The following BAG6 variants were observed in gnomAD, a reference collection of about 807,000 sequenced individuals.
BAG6 encodes large proline-rich protein BAG6.
BAG6 carries 22 observed loss-of-function variants against 121.0 expected under a neutral mutation model. The observed-to-expected ratio is 0.18, with a 90% CI of 0.13 to 0.26. The LOEUF (loss-of-function observed/expected upper bound fraction) is 0.26, where lower values mean the gene tolerates loss of function less well. Among genes scored for constraint, BAG6 ranks in the 10% least tolerant of loss-of-function variants. BAG6 has a pLI of 1.00. For missense variants in BAG6, 1,233 were observed against 1,537.7 expected (o/e 0.80, Z 3.31); for synonymous variants, 583 against 584.6 (o/e 1.00, Z 0.04).
In BAG6 at chr6:31,649,252, C is replaced by A. The variant is rs759063729; in HGVS notation, c.370G>T (p.Val124Phe). 1 of 1,612,966 alleles carries A rather than the reference C, an allele frequency of 6.2e-7. No individual in the cohort carries two copies. The highest frequency in any genetic ancestry group is 8.5e-7 in the Non-Finnish European group (1 of 1,180,038). ...PPGTRGPGASVHDRNANSYVM... is the reference protein window; with the variant it reads ...PPGTRGPGASFHDRNANSYVM... ...TAGCTGTTGGCATTCCGGTCATGAA[C>A]AGAGGCCCCAGGCCCCCGAGTACCA... Residue 124 changes from valine (V) to phenylalanine (F), a missense_variant, in exon 4 of 26, where the codon GTT becomes TTT. Coordinates refer to ENST00000676615, the MANE Select transcript of BAG6 (RefSeq NM_001387994.1).
At chr6:31,639,318 T>A in intron 25 of BAG6, 92 bp from the exon 26 acceptor site, 2 of 1,461,640 alleles carry the variant, frequency 1.4e-6, no homozygotes, top group Non-Finnish European at 1.9e-6. Flanking sequence ...AAGCTAACAT[T>A]TCCCCCCCCA....
In BAG6 at chr6:31,641,529, G is replaced by A. The variant is rs775229881; in HGVS notation, c.2559+10C>T. 2 of 1,614,038 alleles carry A rather than the reference G, an allele frequency of 1.2e-6. No homozygotes were observed. Among genetic ancestry groups the A allele is most frequent in the Non-Finnish European group, 1.7e-6 (2 of 1,179,970 alleles). ...CCAGGAGAGGAAAGGAATAGAGAAG[G>A]GTTACTCACAAAACTCTCCCGCACA... On this transcript the variant is annotated intron_variant, in intron 18 of 25. Transcript: ENST00000676615. This position sits in a 1 kb window ranked among gnomAD's most constrained non-coding sequence, Gnocchi z 5.7.
chr6:31,641,731 A>G lies in BAG6; in HGVS notation c.2505+45T>C, dbSNP rs1248437873. The G allele has an allele frequency of 3.7e-6, 6 of 1,612,070 alleles. No individual in the cohort carries two copies. Among genetic ancestry groups the G allele is most frequent in the Non-Finnish European group, 5.1e-6 (6 of 1,178,652 alleles). ...AGAAGCAGTCAGAAATAAGGAATAA[A>G]ATGTGCAAAAGAGGAGAGTTCTGGG... On this transcript the variant is annotated intron_variant, in intron 17 of 25. Transcript: ENST00000676615. This position sits in a 1 kb window ranked among gnomAD's most constrained non-coding sequence, Gnocchi z 5.7.
intron 16 of BAG6, 45 bp downstream of exon 16, chr6:31,642,067 T>C: frequency 6.3e-7 from 1 of 1,599,568 alleles, no homozygotes; most frequent in Non-Finnish European, 8.5e-7. Flanking sequence ...TACATTCCTC[T>C]GGCTGCCCCT....
Position 31,645,178 on chromosome 6 carries a change from C to A in BAG6, c.1137G>T (p.Val379=). Residue 379 remains valine, a synonymous_variant, in exon 10 of 26, where the codon GTG becomes GTT. Transcript: ENST00000676615. ...IPIQINVGTT[V]TMTGNGTRPP... Reference sequence around the variant, plus strand: ...GCCGAGTCCCATTTCCTGTCATGGTCACAGTGGTTCCCACATTGATCTGAA... The same window carrying A: ...GCCGAGTCCCATTTCCTGTCATGGTAACAGTGGTTCCCACATTGATCTGAA... 6.2e-7 allele frequency: 1 copy of A among 1,611,608 alleles called. No homozygotes were observed. Among genetic ancestry groups the A allele is most frequent in the Non-Finnish European group, 8.5e-7 (1 of 1,179,260 alleles).
In BAG6 at chr6:31,641,821, G is replaced by A. The variant is rs373650659; in HGVS notation, c.2460C>T (p.His820=). Residue 820 remains histidine (H), a synonymous_variant, in exon 17 of 26, where the codon CAC becomes CAT. Coordinates refer to ENST00000676615, the MANE Select transcript of BAG6 (RefSeq NM_001387994.1). This position sits in a 1 kb window ranked among gnomAD's most constrained non-coding sequence, Gnocchi z 5.7. ...RLQPQLRSFF[H]QHYLGGQEPT... ...GCTCCTGACCACCCAGGTAGTGCTG[G>A]TGGAAGAAGGATCGCAGCTGGGGCT... 6.2e-7 allele frequency: 1 copy of A among 1,613,140 alleles called. No individual in the cohort carries two copies. Among genetic ancestry groups the A allele is most frequent in the Admixed American group, 1.7e-5 (1 of 60,026 alleles).
intron 2 of BAG6, among the ~76,000 whole-genome samples, chr6:31,650,755 CA>C (rs1554152185): frequency 6.6e-6 from 1 of 151,818 alleles, no homozygotes; most frequent in Non-Finnish European, 1.5e-5. Context: ...TACATCTAAT[CA>C]CAAGTCTATA....
chr6:31,645,041 C>T lies in BAG6; in HGVS notation c.1274G>A (p.Gly425Asp). 6.2e-7 allele frequency: 1 copy of T among 1,612,736 alleles called. No individual in the cohort carries two copies. The highest frequency in any genetic ancestry group is 8.5e-7 in the Non-Finnish European group (1 of 1,179,912). Residue 425 changes from glycine (G) to aspartate (D), a missense_variant, in exon 10 of 26, where the codon GGT (glycine) becomes GAT (aspartate). By Grantham distance (94) the Gly-to-Asp change is moderately conservative (BLOSUM62 -1). Transcript: ENST00000676615. ...GCTGGTGGCTGGCGGGGGAGCTGGA[C>T]CTGGCGGGGGAGCCCCCTCAGCTGA... ...ESSAEGAPPP[G>D]PAPPPATSHP...
chr6:31,647,222 C>G (rs1159945950), intron 7 of BAG6, among the ~76,000 whole-genome samples: 3 of 152,134 alleles, frequency 2.0e-5, no homozygotes, highest in African/African-American at 7.2e-5. Context: ...ATTCTTTACT[C>G]CCACCCATGA....
chr6:31,640,315 GA>G lies in BAG6; in HGVS notation c.3139-10del. On this transcript the variant is annotated splice_polypyrimidine_tract_variant and intron_variant, in intron 23 of 25. Coordinates refer to ENST00000676615, the MANE Select transcript of BAG6 (RefSeq NM_001387994.1). The surrounding 1 kb of genome is among the most constrained non-coding windows in gnomAD (Gnocchi z 4.2). ...ATAATAGGGACCCATTCCTGGGGAG[GA>G]AAAGAGAAAATAGTAATGTCCTTGA... The G allele has an allele frequency of 6.2e-7, 1 of 1,614,188 alleles. No homozygotes were observed. The highest frequency in any genetic ancestry group is 1.1e-5 in the South Asian group (1 of 91,082).
At chr6:31,639,247 G>C in intron 25 of BAG6, 21 bp from the exon 26 acceptor site, 1 of 1,605,498 alleles carries the variant, frequency 6.2e-7, no homozygotes, top group African/African-American at 1.3e-5. Context: ...AAAGTAAGCA[G>C]GTTGGAGAAA....
chr6:31,651,991 G>A (rs763694511), intron 1 of BAG6: 24 of 501,090 alleles, frequency 4.8e-5, no homozygotes, highest in Non-Finnish European at 8.0e-5. Flanking sequence ...AGGACGAGAG[G>A]TGGGAGGGGC....
chr6:31,644,691 A>G lies in BAG6; in HGVS notation c.1370-89T>C. On this transcript the variant is annotated intron_variant, in intron 10 of 25. Transcript: ENST00000676615. The surrounding 1 kb of genome is among the most constrained non-coding windows in gnomAD (Gnocchi z 4.9). ...CTGAGATCAGGCATACTTCAGGCCCATAATCCCCCAATCAGAAAGCCTGCC... is the reference window on the plus strand; with the variant it reads ...CTGAGATCAGGCATACTTCAGGCCCGTAATCCCCCAATCAGAAAGCCTGCC... The G allele has an allele frequency of 7.1e-7, 1 of 1,401,216 alleles. No individual in the cohort carries two copies. Among genetic ancestry groups the G allele is most frequent in the South Asian group, 1.2e-5 (1 of 84,864 alleles). The allele number at this position is 1,401,216 out of a possible 1,614,324, so 86.8% of individuals were successfully genotyped here. A position where few individuals can be genotyped will look rare whatever the true frequency, so the allele number is the denominator to read the frequency against.
At chr6:31,651,471 G>A (rs902146941) in intron 2 of BAG6, among the ~76,000 whole-genome samples, 185 bp downstream of exon 2, 24 of 152,176 alleles carry the variant, frequency 1.6e-4, no homozygotes, top group Non-Finnish European at 1.5e-4. Flanking sequence ...CCCAAGAGGT[G>A]GAAGTTTCAG....
rs1786931838 is a variant in BAG6, at chr6:31,644,655, A to T, written c.1370-53T>A. On this transcript the variant is annotated intron_variant, in intron 10 of 25. Coordinates refer to ENST00000676615, the MANE Select transcript of BAG6 (RefSeq NM_001387994.1). The surrounding 1 kb of genome is among the most constrained non-coding windows in gnomAD (Gnocchi z 4.9). ...CTGAGGTAGGTAGGGCCAAGGCCTA[A>T]CTATATCCTTCTGAGATCAGGCATA... 2 of 1,544,668 alleles carry T rather than the reference A, an allele frequency of 1.3e-6. No individual in the cohort carries two copies. Among genetic ancestry groups the T allele is most frequent in the African/African-American group, 2.7e-5 (2 of 73,518 alleles).
chr6:31,640,543 G>A lies in BAG6; in HGVS notation c.2995-15C>T, dbSNP rs775826409. On this transcript the variant is annotated splice_polypyrimidine_tract_variant and intron_variant, in intron 22 of 25. Coordinates refer to ENST00000676615, the MANE Select transcript of BAG6 (RefSeq NM_001387994.1). This position sits in a 1 kb window ranked among gnomAD's most constrained non-coding sequence, Gnocchi z 4.2. The stretch of plus-strand genomic sequence containing the variant: ...GCATTCTCCCGCTGGGTGTCAGATG[G>A]CGGGAAGAGCCAGGCTTCAGAATTT... The A allele has an allele frequency of 5.6e-6, 9 of 1,612,788 alleles. No homozygotes were observed. In the South Asian group the frequency reaches 7.7e-5, roughly 14 times the overall value.
rs1780217691 is a variant in BAG6 at position 31,639,493 on chromosome 6, G to GT, written c.3393+6dup. On this transcript the variant is annotated splice_region_variant and intron_variant, in intron 25 of 25. Coordinates refer to ENST00000676615, the MANE Select transcript of BAG6 (RefSeq NM_001387994.1). ...TAGACCATCCCTATTCTGCTTCAAG[G>GT]TGGCACCTGCTGCCTGTAGCTCTCC... 2 of 1,612,192 alleles carry GT rather than the reference G, an allele frequency of 1.2e-6. No homozygotes were observed. The highest frequency in any genetic ancestry group is 4.5e-5 in the East Asian group (2 of 44,826).
Position 31,642,835 on chromosome 6 carries a change from G to A in BAG6, c.2037C>T (p.Phe679=). 1 of 1,612,004 alleles carries A rather than the reference G, an allele frequency of 6.2e-7. No homozygotes were observed. The highest frequency in any genetic ancestry group is 8.5e-7 in the Non-Finnish European group (1 of 1,179,152). ...VPAFLQGMTD[F]LQATQTAPPP... ...TGGCAAGCCAGCCACTCACCTGCAA[G>A]AAGTCAGTCATGCCTTGGAGAAAGG... The change falls in exon 15 of 26, where the codon TTC becomes TTT. Residue 679 remains phenylalanine (F), a synonymous_variant. Coordinates refer to ENST00000676615, the MANE Select transcript of BAG6 (RefSeq NM_001387994.1).
At chr6:31,647,974 G>A in intron 6 of BAG6, 148 bp from the exon 7 acceptor site, 2 of 1,075,004 alleles carry the variant, frequency 1.9e-6, no homozygotes, top group Non-Finnish European at 2.5e-6. Context: ...CTAGCAACTA[G>A]CATAAGACTG....
Sources: gnomAD v4.1 joint callset for allele counts (sites outside exome capture counted in the v4.1 genomes callset) on GRCh38, gnomAD v4.1.1 for gene constraint, Gnocchi (gnomAD v3.1) non-coding constraint, MANE v1.5 for transcripts, NCBI Gene and HGNC (gene_info 2026-07-23, HGNC 2026-07-21) for gene names.